The following GRIK2 variants were observed in gnomAD, a reference collection of about 807,000 sequenced individuals.
GRIK2 encodes glutamate receptor ionotropic, kainate 2.
A neutral mutation model predicts 100.3 loss-of-function variants in GRIK2; 32 were observed. The observed-to-expected ratio is 0.32, with a 90% confidence interval of 0.24 to 0.43. GRIK2 has a LOEUF of 0.43. Ranked by LOEUF, GRIK2 falls within the 20% of genes least tolerant of loss-of-function variation. The pLI is 1.00. For synonymous variants in GRIK2, 417 were observed against 389.4 expected, an observed-to-expected ratio of 1.07 and a Z score of -0.83; for missense variants, 843 against 1,114.9, an observed-to-expected ratio of 0.76 and a Z score of 3.47.
At chr6:101,843,049 A>G (rs1783608812) in intron 10 of GRIK2, among the ~76,000 whole-genome samples, 1 of 152,118 alleles carries the variant, frequency 6.6e-6, no homozygotes, top group Non-Finnish European at 1.5e-5. Flanking sequence ...AAATGTCTTC[A>G]TTTTTCGATT....
intron 2 of GRIK2, among the ~76,000 whole-genome samples, chr6:101,401,797 CT>C (rs1283443374): frequency 1.3e-5 from 2 of 152,202 alleles, no homozygotes; most frequent in East Asian, 3.9e-4. Flanking sequence ...CAGCCAGTGC[CT>C]CATGCCCTGG....
At position 102,017,691 on chromosome 6, in the gene GRIK2, G is replaced by A. The variant is rs543945065; in HGVS notation, c.2086-17650G>A. Among the ~76,000 whole-genome samples the A allele has an allele frequency of 6.6e-5, 10 of 152,038 alleles. No homozygotes were observed. In the South Asian group the frequency reaches 1.9e-3, roughly 28 times the overall value. ...TTATATATTTTATAGTTTTCCCACAGTTCTTAGATATTTTGTTCTGATATT... is the reference window on the plus strand; with the variant it reads ...TTATATATTTTATAGTTTTCCCACAATTCTTAGATATTTTGTTCTGATATT... On this transcript the variant is annotated intron_variant, in intron 14 of 16. Coordinates refer to ENST00000369134, the MANE Select transcript of GRIK2 (RefSeq NM_021956.5).
chr6:101,512,087 T>C (rs990584800), intron 2 of GRIK2, among the ~76,000 whole-genome samples: 3 of 151,348 alleles, frequency 2.0e-5, no homozygotes, highest in African/African-American at 4.8e-5. Flanking sequence ...CACACATACA[T>C]GAATACTTAA....
chr6:101,841,594 C>G (rs1287281162), intron 10 of GRIK2, among the ~76,000 whole-genome samples: 2 of 152,054 alleles, frequency 1.3e-5, no homozygotes, highest in Non-Finnish European at 2.9e-5. Context: ...GAACTCCTGA[C>G]CTCGAGTGAT....
rs182775017 is a variant in GRIK2 at position 101,950,367 on chromosome 6, T to C, written c.2085+21735T>C. ...GATTTGTGGTTGACCAGAGGTCACT[T>C]GAATAAACCTCTCTCTCTACTAAAA... On this transcript the variant is annotated intron_variant, in intron 14 of 16. Transcript: ENST00000369134. 3.0e-4 allele frequency among the ~76,000 whole-genome samples: 46 copies of C among 152,260 alleles called. No individual in the cohort carries two copies. In the East Asian group the frequency reaches 7.9e-3, roughly 26 times the overall value.
intron 2 of GRIK2, among the ~76,000 whole-genome samples, chr6:101,469,711 C>G (rs920383065): frequency 6.6e-6 from 1 of 152,150 alleles, no homozygotes; most frequent in Non-Finnish European, 1.5e-5. Flanking sequence ...TATAACTTTA[C>G]AGTCACTTTA....
intron 2 of GRIK2, among the ~76,000 whole-genome samples, chr6:101,516,313 C>A (rs1007422681): frequency 6.6e-6 from 1 of 152,068 alleles, no homozygotes; most frequent in African/African-American, 2.4e-5. Flanking sequence ...AATCTGGAGA[C>A]ATCACACTAC....
intron 14 of GRIK2, among the ~76,000 whole-genome samples, chr6:101,966,448 C>A (rs1351518209): frequency 6.6e-6 from 1 of 152,084 alleles, no homozygotes; most frequent in Non-Finnish European, 1.5e-5. Flanking sequence ...TAGAGTTTGA[C>A]AAGGCTGGAG....
intron 4 of GRIK2, among the ~76,000 whole-genome samples, chr6:101,675,928 A>G (rs567683593): frequency 6.6e-6 from 1 of 152,330 alleles, no homozygotes; most frequent in African/African-American, 2.4e-5. Flanking sequence ...TTGAGTTTCC[A>G]GGTTATTCAC....
chr6:101,651,357 G>A (rs960815739), intron 4 of GRIK2, among the ~76,000 whole-genome samples: 2 of 152,086 alleles, frequency 1.3e-5, no homozygotes, highest in African/African-American at 4.8e-5. Flanking sequence ...TTCAACAAAT[G>A]TATTTGAGCT....
At chr6:102,005,152 G>T (rs990581700) in intron 14 of GRIK2, among the ~76,000 whole-genome samples, 4 of 150,952 alleles carry the variant, frequency 2.6e-5, no homozygotes, top group East Asian at 3.9e-4. Flanking sequence ...TATATATTAT[G>T]TATATTTATA....
chr6:101,813,441 A>G (rs1781455893), intron 9 of GRIK2, among the ~76,000 whole-genome samples: 4 of 152,212 alleles, frequency 2.6e-5, no homozygotes, highest in Admixed American at 2.6e-4. Flanking sequence ...ATTATCTTTT[A>G]TAATAAATTA....
intron 15 of GRIK2, among the ~76,000 whole-genome samples, chr6:102,045,952 A>G (rs1770865610): frequency 6.6e-6 from 1 of 152,198 alleles, no homozygotes; most frequent in Admixed American, 6.6e-5. Context: ...TGTTGCATAT[A>G]AGAGATTCTT....
At chr6:101,603,257 C>T (rs1188170354) in intron 2 of GRIK2, among the ~76,000 whole-genome samples, 1 of 151,498 alleles carries the variant, frequency 6.6e-6, no homozygotes, top group Non-Finnish European at 1.5e-5. Flanking sequence ...TGACATCAAG[C>T]CAAAGGGGAT....
Position 101,966,540 on chromosome 6 carries a change from A to T in GRIK2, c.2085+37908A>T, listed in dbSNP as rs186107220. ...TTCAGATCTTAACTTTTATAACAGG[A>T]TATGTTGAGGACCTGAATGTTCTAG... On this transcript the variant is annotated intron_variant, in intron 14 of 16. Coordinates refer to ENST00000369134, the MANE Select transcript of GRIK2 (RefSeq NM_021956.5). Among the ~76,000 whole-genome samples the T allele has an allele frequency of 6.7e-4, 102 of 152,238 alleles. 1 individual carries two copies. Among genetic ancestry groups the T allele is most frequent in the African/African-American group, 2.4e-3 (101 of 41,556 alleles).
intron 9 of GRIK2, among the ~76,000 whole-genome samples, chr6:101,806,626 G>GTT (rs10666025): frequency 0.028 from 3,934 of 141,636 alleles, 179 homozygotes; most frequent in African/African-American, 0.092. Flanking sequence ...CCTACAGAGG[G>GTT]TTTTTTTTTT....
intron 2 of GRIK2, among the ~76,000 whole-genome samples, chr6:101,432,809 A>C (rs540898740): frequency 1.3e-4 from 20 of 152,328 alleles, no homozygotes; most frequent in African/African-American, 4.6e-4. Context: ...AGAAGGGATC[A>C]TCTAAATATT....
chr6:102,000,458 T>C (rs996956739), intron 14 of GRIK2, among the ~76,000 whole-genome samples: 6 of 151,990 alleles, frequency 3.9e-5, no homozygotes, highest in South Asian at 4.1e-4. Flanking sequence ...GTGCCTATTG[T>C]TCCCATATTT....
intron 14 of GRIK2, among the ~76,000 whole-genome samples, chr6:101,991,226 TATGATAAATAGC>T (rs1462475825): frequency 6.6e-6 from 1 of 151,768 alleles, no homozygotes; most frequent in South Asian, 2.1e-4. Flanking sequence ...TGCCAGACAC[TATGATAAATAGC>T]TTACACATAA....
Sources: gnomAD v4.1 joint callset for allele counts (sites outside exome capture counted in the v4.1 genomes callset) on GRCh38, gnomAD v4.1.1 for gene constraint, MANE v1.5 for transcripts, NCBI Gene and HGNC (gene_info 2026-07-23, HGNC 2026-07-21) for gene names.